The following BACH2 variants were observed in gnomAD, a reference collection of about 807,000 sequenced individuals.
BACH2 encodes the protein BACH transcriptional regulator 2.
Under a neutral mutation model 61.8 loss-of-function variants are expected in BACH2, and 5 were observed. The observed-to-expected ratio is 0.08, with a 90% confidence interval of 0.04 to 0.17. The LOEUF (loss-of-function observed/expected upper bound fraction) is 0.17, where lower values mean the gene tolerates loss of function less well. Among genes scored for constraint, BACH2 ranks in the 10% least tolerant of loss-of-function variants. The pLI, the probability that BACH2 is intolerant of heterozygous loss-of-function variation, is 1.00. For missense variants in BACH2, 824 were observed against 1,091.1 expected, an observed-to-expected ratio of 0.76 and a Z score of 3.45; for synonymous variants, 446 against 440.1, an observed-to-expected ratio of 1.01 and a Z score of -0.17.
At chr6:90,058,398 T>C (rs542962976) in intron 5 of BACH2, among the ~76,000 whole-genome samples, 3 of 152,224 alleles carry the variant, frequency 2.0e-5, no homozygotes, top group South Asian at 2.1e-4. Context: ...ATAAAATACC[T>C]GGGAATCCAA....
At chr6:89,963,748 G>A (rs1235540551) in intron 6 of BACH2, among the ~76,000 whole-genome samples, 1 of 152,198 alleles carries the variant, frequency 6.6e-6, no homozygotes, top group African/African-American at 2.4e-5. Flanking sequence ...TTAAAGAGGT[G>A]TTTGTACACT....
chr6:90,243,039 C>T (rs1476588899), intron 3 of BACH2, among the ~76,000 whole-genome samples: 1 of 149,982 alleles, frequency 6.7e-6, no homozygotes, highest in East Asian at 1.9e-4. Flanking sequence ...ACCACCATGC[C>T]CGGCTAATTT....
At chr6:90,061,325 G>A (rs572808485) in intron 5 of BACH2, among the ~76,000 whole-genome samples, 2 of 152,292 alleles carry the variant, frequency 1.3e-5, no homozygotes, top group Non-Finnish European at 2.9e-5. Context: ...GGAAGGTGAG[G>A]TACAGGATCC....
chr6:90,158,883 T>C (rs909907376), intron 4 of BACH2, among the ~76,000 whole-genome samples: 20 of 152,078 alleles, frequency 1.3e-4, no homozygotes, highest in African/African-American at 4.8e-4. Flanking sequence ...ACACTGCCAC[T>C]CCCTCATGGG....
intron 2 of BACH2, among the ~76,000 whole-genome samples, chr6:90,261,197 A>T (rs1771145859): frequency 6.6e-6 from 1 of 152,160 alleles, no homozygotes. Flanking sequence ...CCCATCTATT[A>T]AAAACTGAGT....
At chr6:90,059,335 A>G (rs1780554260) in intron 5 of BACH2, among the ~76,000 whole-genome samples, 2 of 152,262 alleles carry the variant, frequency 1.3e-5, no homozygotes, top group South Asian at 4.1e-4. Flanking sequence ...GACACTTCTC[A>G]AAAGAAGACA....
At position 89,941,207 on chromosome 6, in the gene BACH2, C is replaced by T. The variant is rs868628744; in HGVS notation, c.1837-2857G>A. ...TGGTTACATCATTTGCAGGCAGACA[C>T]GAGTCCCGGCTGCCGGCATGTGTGG... On this transcript the variant is annotated intron_variant, in intron 7 of 8. Transcript: ENST00000257749. 5.9e-5 allele frequency among the ~76,000 whole-genome samples: 9 copies of T among 152,148 alleles called. 1 individual carries two copies. The East Asian group carries it at 1.2e-3, about 20-fold the overall frequency.
chr6:90,038,666 CTTCCA>C (rs1779380181), intron 5 of BACH2, among the ~76,000 whole-genome samples: 1 of 152,150 alleles, frequency 6.6e-6, no homozygotes, highest in Non-Finnish European at 1.5e-5. Context: ...CTTGTGTATC[CTTCCA>C]GAGAGAACTG....
intron 7 of BACH2, among the ~76,000 whole-genome samples, chr6:89,941,197 C>T (rs1234745162): frequency 6.6e-6 from 1 of 152,212 alleles, no homozygotes; most frequent in Non-Finnish European, 1.5e-5. Flanking sequence ...ACATCATTTG[C>T]AGGCAGACAC....
chr6:90,069,801 AG>A (rs1239043688), intron 5 of BACH2, among the ~76,000 whole-genome samples: 9 of 152,222 alleles, frequency 5.9e-5, no homozygotes, highest in African/African-American at 2.2e-4. Context: ...AAAGAGTTTT[AG>A]GAAAAGATGG....
At chr6:90,146,787 C>A (rs1386369455) in intron 4 of BACH2, among the ~76,000 whole-genome samples, 1 of 152,180 alleles carries the variant, frequency 6.6e-6, no homozygotes, top group Non-Finnish European at 1.5e-5. Context: ...GTTAAATTAA[C>A]AATTGTCCTG....
chr6:90,013,718 C>A (rs1397491707), intron 5 of BACH2, among the ~76,000 whole-genome samples: 4 of 151,968 alleles, frequency 2.6e-5, no homozygotes, highest in East Asian at 3.9e-4. Flanking sequence ...CCATGTTAGC[C>A]AGGATGGTCT....
At chr6:90,175,703 G>C (rs1281043088) in intron 4 of BACH2, among the ~76,000 whole-genome samples, 1 of 152,010 alleles carries the variant, frequency 6.6e-6, no homozygotes, top group Non-Finnish European at 1.5e-5. Context: ...CTGCATATTA[G>C]ATGTTTTGAC....
intron 4 of BACH2, among the ~76,000 whole-genome samples, chr6:90,100,709 A>ACATACACACACACACAGT (rs1782582393): frequency 8.2e-6 from 1 of 121,252 alleles, no homozygotes; most frequent in Non-Finnish European, 1.9e-5. Context: ...ACAGACACAC[A>ACATACACACACACACAGT]CACACACACA....
intron 4 of BACH2, among the ~76,000 whole-genome samples, chr6:90,149,850 C>A (rs1323903244): frequency 2.0e-5 from 3 of 152,162 alleles, no homozygotes; most frequent in African/African-American, 7.2e-5. Flanking sequence ...CAGTGAGCTG[C>A]TGCTATCCTG....
intron 3 of BACH2, among the ~76,000 whole-genome samples, chr6:90,243,160 C>T (rs9451370): frequency 0.051 from 7,605 of 149,530 alleles, 631 homozygotes; most frequent in African/African-American, 0.18. Flanking sequence ...TCCCAAAATG[C>T]TGGGATTACA....
intron 6 of BACH2, among the ~76,000 whole-genome samples, chr6:89,960,055 G>A (rs1354990060): frequency 6.6e-6 from 1 of 152,142 alleles, no homozygotes; most frequent in African/African-American, 2.4e-5. Flanking sequence ...TGCAGCTCCC[G>A]AGGCACCCGC....
chr6:90,005,090 C>T (rs1469369888), intron 6 of BACH2, among the ~76,000 whole-genome samples: 2 of 152,052 alleles, frequency 1.3e-5, no homozygotes, highest in African/African-American at 4.8e-5. Context: ...GTGAGTGGCT[C>T]TAATGTGCTG....
chr6:90,101,561 A>G (rs187358599), intron 4 of BACH2, among the ~76,000 whole-genome samples: 18 of 152,346 alleles, frequency 1.2e-4, no homozygotes, highest in African/African-American at 4.3e-4. Context: ...ACTGTATTCA[A>G]GACTACACTA....
Sources: allele counts gnomAD v4.1 joint callset (sites outside exome capture counted in the v4.1 genomes callset), GRCh38; gene constraint gnomAD v4.1.1; transcripts MANE v1.5; gene names NCBI Gene and HGNC (gene_info 2026-07-23, HGNC 2026-07-21).